The following NFIA variants were observed in gnomAD, a reference collection of about 807,000 sequenced individuals.
The protein encoded by NFIA is nuclear factor I A, also known as nuclear factor 1 A-type.
A neutral mutation model predicts 62.8 loss-of-function variants in NFIA; 8 were observed. That is an observed-to-expected ratio of 0.13 (90% CI 0.07 to 0.23). The LOEUF is 0.23. Ranked by LOEUF, NFIA falls within the 10% of genes least tolerant of loss-of-function variation. NFIA has a pLI of 1.00. For synonymous variants in NFIA, 235 were observed against 238.1 expected, an observed-to-expected ratio of 0.99 and a Z score of 0.12; for missense variants, 410 against 642.1, an observed-to-expected ratio of 0.64 and a Z score of 3.91.
At chr1:61,340,314 A>G (rs1410550030) in intron 4 of NFIA, among the ~76,000 whole-genome samples, 1 of 152,178 alleles carries the variant, frequency 6.6e-6, no homozygotes, top group African/African-American at 2.4e-5. Flanking sequence ...TATAAAACCT[A>G]TATTCAAGAT....
In NFIA at chr1:61,118,659, A is replaced by AGT. The variant is rs5774536; in HGVS notation, c.559+30028_559+30029dup. On this transcript the variant is annotated intron_variant, in intron 2 of 10. Coordinates refer to ENST00000403491, the MANE Select transcript of NFIA (RefSeq NM_001134673.4). ...AAGTGCAAAAAGTTTGGTCGGGATG[A>AGT]GTGTGTGTGTGTGTGTGTGTGTGTG... is the stretch of plus-strand genomic sequence containing the variant. Among the ~76,000 whole-genome samples the AGT allele has an allele frequency of 4.5e-4, 65 of 145,292 alleles. 1 individual carries two copies. Among genetic ancestry groups the AGT allele is most frequent in the East Asian group, 2.5e-3 (12 of 4,884 alleles).
intron 2 of NFIA, among the ~76,000 whole-genome samples, chr1:61,114,359 C>T (rs1646761681): frequency 6.6e-6 from 1 of 151,972 alleles, no homozygotes; most frequent in Non-Finnish European, 1.5e-5. Context: ...GTGTGGTGGC[C>T]TTTGCCTGTA....
chr1:61,432,966 A>G (rs965713648), intron 10 of NFIA, among the ~76,000 whole-genome samples: 2 of 152,186 alleles, frequency 1.3e-5, no homozygotes, highest in Non-Finnish European at 2.9e-5. Context: ...GAAGTTTCAG[A>G]AGAGTACATT....
In NFIA at chr1:61,457,934, C is replaced by A. The variant is rs550621162; in HGVS notation, c.*2614C>A. 24 of 151,982 alleles carry A rather than the reference C, an allele frequency of 1.6e-4. No individual in the cohort carries two copies. The highest frequency in any genetic ancestry group is 2.8e-4 in the Non-Finnish European group (19 of 67,976). 9.4% of individuals were successfully genotyped at this position (151,982 alleles called of 1,614,324 possible). A position where few individuals can be genotyped will look rare whatever the true frequency, so the allele number is the denominator to read the frequency against. ...CATTCAATAAAAAGTATATAATGCC[C>A]ATTTTTATATGCACGTTTTTAAACT... On this transcript the variant is annotated 3_prime_UTR_variant, in exon 11 of 11. Transcript: ENST00000403491. The surrounding 1 kb of genome is among the most constrained non-coding windows in gnomAD (Gnocchi z 4.2).
intron 2 of NFIA, among the ~76,000 whole-genome samples, chr1:61,170,355 G>C (rs554427188): frequency 6.6e-6 from 1 of 152,282 alleles, no homozygotes; most frequent in South Asian, 2.1e-4. Context: ...CTTTTACCTC[G>C]ATGGGGGAGG....
intron 2 of NFIA, among the ~76,000 whole-genome samples, chr1:61,232,448 A>G (rs1434656730): frequency 1.3e-5 from 2 of 152,252 alleles, no homozygotes; most frequent in Non-Finnish European, 2.9e-5. Flanking sequence ...GACATGTTAT[A>G]AGTGGTAAAG....
In NFIA at chr1:61,166,771, A is replaced by G. The variant is rs773533367; in HGVS notation, c.559+78091A>G. ...GATTATTGTCTCTTCCCTACAGTCA[A>G]TTCAGGAGGGTTTATTGAGGACCTA... On this transcript the variant is annotated intron_variant, in intron 2 of 10. Coordinates refer to ENST00000403491, the MANE Select transcript of NFIA (RefSeq NM_001134673.4). Among the ~76,000 whole-genome samples, 3 of 152,224 alleles carry G rather than the reference A, an allele frequency of 2.0e-5. No individual in the cohort carries two copies. The South Asian group carries it at 6.2e-4, about 32-fold the overall frequency.
At chr1:61,112,900 T>A (rs890696887) in intron 2 of NFIA, among the ~76,000 whole-genome samples, 2 of 152,126 alleles carry the variant, frequency 1.3e-5, no homozygotes, top group African/African-American at 4.8e-5. Context: ...CTGCAGAATT[T>A]AGGATTTTTT....
At chr1:61,182,644 A>G (rs555280415) in intron 2 of NFIA, among the ~76,000 whole-genome samples, 14 of 152,370 alleles carry the variant, frequency 9.2e-5, no homozygotes, top group Admixed American at 3.9e-4. Context: ...AGATGAAATC[A>G]TAACAGTTTG....
intron 2 of NFIA, among the ~76,000 whole-genome samples, chr1:61,262,916 A>G (rs2100242870): frequency 6.6e-6 from 1 of 152,280 alleles, no homozygotes; most frequent in South Asian, 2.1e-4. Context: ...CATCCCCAAC[A>G]CTAACCTGAT....
intron 2 of NFIA, among the ~76,000 whole-genome samples, chr1:61,199,169 T>C (rs10889211): frequency 0.33 from 49,578 of 152,086 alleles, 9,274 homozygotes; most frequent in East Asian, 0.57. Context: ...TCTTCAATGC[T>C]GTCCTCTCTT....
At chr1:61,416,532 G>T (rs1220179838) in intron 9 of NFIA, among the ~76,000 whole-genome samples, 2 of 152,012 alleles carry the variant, frequency 1.3e-5, no homozygotes, top group Non-Finnish European at 2.9e-5. Flanking sequence ...TTGGTTGCAG[G>T]TTCTGCCTTA....
chr1:61,318,401 G>A (rs931676837), intron 3 of NFIA, among the ~76,000 whole-genome samples: 2 of 152,098 alleles, frequency 1.3e-5, no homozygotes, highest in African/African-American at 4.8e-5. Flanking sequence ...TCACTTCAAC[G>A]GAAATTAGGT....
chr1:61,116,107 G>C (rs968922081), intron 2 of NFIA, among the ~76,000 whole-genome samples: 1 of 150,654 alleles, frequency 6.6e-6, no homozygotes, highest in Non-Finnish European at 1.5e-5. Context: ...TGTCATCTTA[G>C]GGCTCCTCAG....
intron 4 of NFIA, among the ~76,000 whole-genome samples, chr1:61,350,297 G>A (rs1662478614): frequency 6.6e-6 from 1 of 152,008 alleles, no homozygotes; most frequent in Admixed American, 6.6e-5. Context: ...TATAAACTTG[G>A]GAATCTGCTG....
chr1:61,264,162 A>G (rs143653930), intron 2 of NFIA, among the ~76,000 whole-genome samples: 13 of 152,292 alleles, frequency 8.5e-5, no homozygotes, highest in African/African-American at 2.9e-4. Context: ...AGGTTAATCA[A>G]TAGTCATTCT....
At chr1:61,222,062 T>TA (rs1171415462) in intron 2 of NFIA, among the ~76,000 whole-genome samples, 11 of 152,276 alleles carry the variant, frequency 7.2e-5, no homozygotes, top group Admixed American at 5.2e-4. Context: ...AAGATACTTT[T>TA]AAAATAAGTT....
At chr1:61,418,706 A>G (rs1455663550) in intron 9 of NFIA, among the ~76,000 whole-genome samples, 4 of 152,204 alleles carry the variant, frequency 2.6e-5, no homozygotes, top group East Asian at 3.8e-4. Context: ...GTTGGTTCCA[A>G]TTTGTTGCTC....
chr1:61,201,280 A>G (rs1280959072), intron 2 of NFIA, among the ~76,000 whole-genome samples: 1 of 152,168 alleles, frequency 6.6e-6, no homozygotes. Flanking sequence ...CCGCTCCTCT[A>G]TAGCACACTT....
Sources: allele counts gnomAD v4.1 joint callset (sites outside exome capture counted in the v4.1 genomes callset), GRCh38; gene constraint gnomAD v4.1.1; non-coding constraint Gnocchi (gnomAD v3.1); transcripts MANE v1.5; gene names NCBI Gene and HGNC (gene_info 2026-07-23, HGNC 2026-07-21).